Variants in TNK2 observed in about 807,000 individuals in gnomAD.
The protein encoded by TNK2 is tyrosine kinase non receptor 2.
A neutral mutation model predicts 101.8 loss-of-function variants in TNK2; 83 were observed. That is an observed-to-expected ratio of 0.82 (90% CI 0.68 to 0.98). The LOEUF is 0.98. TNK2 is among the 50% of genes least tolerant of loss of function. TNK2 has a pLI of 0.00. For synonymous variants in TNK2, 804 were observed against 633.0 expected, an observed-to-expected ratio of 1.27 and a Z score of -4.06; for missense variants, 1,665 against 1,483.2, an observed-to-expected ratio of 1.12 and a Z score of -2.01.
Position 195,870,216 on chromosome 3 carries a change from G to C in TNK2, c.1452-11C>G, listed in dbSNP as rs1744071746. The C allele has an allele frequency of 6.3e-7, 1 of 1,598,818 alleles. No individual in the cohort carries two copies. The highest frequency in any genetic ancestry group is 1.3e-5 in the African/African-American group (1 of 74,576). On this transcript the variant is annotated splice_polypyrimidine_tract_variant and intron_variant, in intron 10 of 15. Transcript: ENST00000672887. ...TTTCCCAGATACAGTCTGTGGGGGA[G>C]AGAGCTGGGTCAAGAGAGCAGGGGA...
At chr3:195,903,822 C>T (rs1761469614) in intron 1 of TNK2, among the ~76,000 whole-genome samples, 1 of 152,140 alleles carries the variant, frequency 6.6e-6, no homozygotes, top group Non-Finnish European at 1.5e-5. Context: ...ACTTTATTAG[C>T]AGATGACACG....
chr3:195,887,933 T>C (rs776867543), intron 2 of TNK2, among the ~76,000 whole-genome samples: 2 of 138,480 alleles, frequency 1.4e-5, no homozygotes, highest in African/African-American at 2.9e-5. Context: ...TGCACGTGTG[T>C]GCGCATGTGC....
chr3:195,867,697 C>A lies in TNK2; in HGVS notation c.2601G>T (p.Lys867Asn), dbSNP rs915031121. ...PCILPIVRDG[K>N]KVSSTHYYLL... ...AGTAATAGTGGGTGCTGCTGACCTT[C>A]TTGCCATCCCGGACGATGGGCAGGA... is the stretch of plus-strand genomic sequence containing the variant. Residue 867 changes from lysine to asparagine, a missense_variant, in exon 13 of 16, where the codon AAG (lysine) becomes AAT (asparagine). Physicochemically the swap from Lys to Asn is moderately conservative, Grantham distance 94. Coordinates refer to ENST00000672887, the MANE Select transcript of TNK2 (RefSeq NM_001382273.1). 1.2e-5 allele frequency: 19 copies of A among 1,608,870 alleles called. No individual in the cohort carries two copies. The Admixed American group carries it at 2.2e-4, about 18-fold the overall frequency.
At chr3:195,901,533 A>G (rs531515245) in intron 1 of TNK2, among the ~76,000 whole-genome samples, 137 of 151,130 alleles carry the variant, frequency 9.1e-4, no homozygotes, top group African/African-American at 3.2e-3. Flanking sequence ...CTGAGGAGGA[A>G]GAGAGGGACC....
rs1174357222 is a variant in TNK2, at chr3:195,867,521, G to A, written c.2777C>T (p.Pro926Leu). 6 of 1,549,852 alleles carry A rather than the reference G, an allele frequency of 3.9e-6. No individual in the cohort carries two copies. Among genetic ancestry groups the A allele is most frequent in the African/African-American group, 2.7e-5 (2 of 73,500 alleles). ...GGGGTCCAAGGCAGCCTGGGGCATC[G>A]GCCGCACGGTGGCCGTGGGGGCGGC... The part of the protein sequence containing the change: ...APAAPTATVR[P>L]MPQAALDPKA... Residue 926 changes from proline to leucine, a missense_variant, in exon 13 of 16, where the codon CCG becomes CTG. Coordinates refer to ENST00000672887, the MANE Select transcript of TNK2 (RefSeq NM_001382273.1).
rs574198394 is a variant in TNK2 at position 195,897,631 on chromosome 3, A to G, written c.-18-9025T>C. Among the ~76,000 whole-genome samples the G allele has an allele frequency of 1.0e-3, 153 of 152,246 alleles. 1 individual carries two copies. Among genetic ancestry groups the G allele is most frequent in the Non-Finnish European group, 1.8e-3 (123 of 67,988 alleles). On this transcript the variant is annotated intron_variant, in intron 1 of 15. Coordinates refer to ENST00000672887, the MANE Select transcript of TNK2 (RefSeq NM_001382273.1). ...ATCCTCCTGCCTCCATCTCCTGAGT[A>G]GCTGGGATTACAGGCGTGCACTATC...
intron 2 of TNK2, among the ~76,000 whole-genome samples, chr3:195,887,328 T>C (rs1340017149): frequency 2.0e-5 from 3 of 152,244 alleles, no homozygotes; most frequent in Non-Finnish European, 4.4e-5. Flanking sequence ...AACAGAATTT[T>C]CTCAATGTTG....
intron 1 of TNK2, among the ~76,000 whole-genome samples, chr3:195,901,688 TGA>T (rs35992567): frequency 0.02 from 3,039 of 152,304 alleles, 58 homozygotes; most frequent in Non-Finnish European, 0.03. Flanking sequence ...AGCTCTTCAC[TGA>T]GAGTGTACCT....
rs765137093 is a variant in TNK2 at position 195,879,132 on chromosome 3, T to C, written c.931A>G (p.Ser311Gly). Reference sequence around the variant, plus strand: ...GTCACCCCGAACATCCAGGTGTCGCTGGCATGGGAGAAGGTGCGTGTCTTC... The same window carrying C: ...GTCACCCCGAACATCCAGGTGTCGCCGGCATGGGAGAAGGTGCGTGTCTTC... ...SLKTRTFSHA[S>G]DTWMFGVTLW... Residue 311 changes from serine to glycine, a missense_variant, in exon 7 of 16, where the codon AGC (serine) becomes GGC (glycine). Coordinates refer to ENST00000672887, the MANE Select transcript of TNK2 (RefSeq NM_001382273.1). 1.2e-6 allele frequency: 2 copies of C among 1,612,938 alleles called. No homozygotes were observed. Among genetic ancestry groups the C allele is most frequent in the Admixed American group, 3.3e-5 (2 of 59,858 alleles).
chr3:195,868,964 A>G, intron 12 of TNK2: 1 of 531,432 alleles, frequency 1.9e-6, no homozygotes, highest in Non-Finnish European at 3.3e-6. Flanking sequence ...TCTAAGCTGC[A>G]GCAAGCAACA....
intron 12 of TNK2, 132 bp from the exon 13 acceptor site, chr3:195,868,841 A>T: frequency 1.7e-6 from 2 of 1,144,674 alleles, no homozygotes; most frequent in Non-Finnish European, 2.4e-6. Flanking sequence ...CCGAGGTCTG[A>T]GGTCAGCCAC....
At position 195,872,306 on chromosome 3, in the gene TNK2, T is replaced by C. The variant is rs778860799; in HGVS notation, c.1421A>G (p.His474Arg). 2.5e-6 allele frequency: 4 copies of C among 1,613,118 alleles called. No homozygotes were observed. The highest frequency in any genetic ancestry group is 3.4e-6 in the Non-Finnish European group (4 of 1,179,916). The change falls in exon 10 of 16, where the codon CAC becomes CGC. Residue 474 changes from histidine to arginine, a missense_variant. Physicochemically the swap from His to Arg is conservative, Grantham distance 29. Transcript: ENST00000672887. ...HTGHGDSDPR[H>R]CWGFPDRIDE... is the part of the protein sequence containing the mutation. The stretch of plus-strand genomic sequence containing the variant: ...AATCCTGTCCGGGAAGCCCCAGCAG[T>C]GGCGGGGGTCACTGTCGCCATGCCC...
intron 4 of TNK2, chr3:195,883,889 G>A (rs1420640875): frequency 6.6e-6 from 1 of 152,530 alleles, no homozygotes; most frequent in East Asian, 1.9e-4. Flanking sequence ...TAAATGTAAT[G>A]CCAAAAACAA....
Position 195,885,546 on chromosome 3 carries a change from G to A in TNK2, c.235-513C>T. The A allele has an allele frequency of 7.7e-7, 1 of 1,291,400 alleles. No homozygotes were observed. The highest frequency in any genetic ancestry group is 1.0e-6 in the Non-Finnish European group (1 of 989,982). The allele number at this position is 1,291,400 out of a possible 1,614,324, so 80.0% of individuals were successfully genotyped here. The stretch of plus-strand genomic sequence containing the variant: ...CAGGGAGTCGGCTGCCCTTCATCCT[G>A]CCCAGGGGAGAGGATAATTTTAGTC... On this transcript the variant is annotated intron_variant, in intron 3 of 15. Transcript: ENST00000672887. The surrounding 1 kb of genome is among the most constrained non-coding windows in gnomAD (Gnocchi z 4.7).
chr3:195,885,276 T>G lies in TNK2; in HGVS notation c.235-243A>C. The G allele has an allele frequency of 8.3e-7, 1 of 1,203,128 alleles. No individual in the cohort carries two copies. The highest frequency in any genetic ancestry group is 1.1e-6 in the Non-Finnish European group (1 of 890,986). The allele number at this position is 1,203,128 out of a possible 1,614,324, so 74.5% of individuals were successfully genotyped here. A position where few individuals can be genotyped will look rare whatever the true frequency, so the allele number is the denominator to read the frequency against. On this transcript the variant is annotated intron_variant, in intron 3 of 15. Transcript: ENST00000672887. The surrounding 1 kb of genome is among the most constrained non-coding windows in gnomAD (Gnocchi z 4.7). ...GGTGCCAGAAAGAGACCGACAGGCA[T>G]GCAGCCTGTGGCTGAGCGGCCCCAC...
At chr3:195,895,521 A>T (rs992404276) in intron 1 of TNK2, 2 of 1,350,744 alleles carry the variant, frequency 1.5e-6, no homozygotes, top group Admixed American at 4.1e-5. Context: ...GCCTGCGGCC[A>T]TTCCCTCCTG....
chr3:195,892,705 G>A (rs74749130), intron 1 of TNK2: 235,648 of 1,395,672 alleles, frequency 0.17, 20,759 homozygotes, highest in Non-Finnish European at 0.18. Flanking sequence ...GGCTGCAGCC[G>A]GGATCCTCTG....
In TNK2 at chr3:195,878,148, A is replaced by G. The variant is rs1750477908; in HGVS notation, c.1256+105T>C. On this transcript the variant is annotated intron_variant, in intron 9 of 15. Coordinates refer to ENST00000672887, the MANE Select transcript of TNK2 (RefSeq NM_001382273.1). This position sits in a 1 kb window ranked among gnomAD's most constrained non-coding sequence, Gnocchi z 4.7. ...GGTTCAGGCCCAACCGCCAGCCTGT[A>G]TGTGGCCAAGGGAATCTTGGAGGCC... 5.7e-6 allele frequency: 7 copies of G among 1,228,208 alleles called. No homozygotes were observed. The highest frequency in any genetic ancestry group is 1.2e-5 in the South Asian group (1 of 81,276). The allele number at this position is 1,228,208 out of a possible 1,614,324, so 76.1% of individuals were successfully genotyped here.
chr3:195,869,568 G>A (rs1460252219), intron 11 of TNK2, 27 bp from the exon 12 acceptor site: 6 of 1,550,646 alleles, frequency 3.9e-6, no homozygotes, highest in South Asian at 1.2e-5. Flanking sequence ...GCGGACAGGG[G>A]GAGAGAGACG....
Sources: gnomAD v4.1 joint callset for allele counts (sites outside exome capture counted in the v4.1 genomes callset) on GRCh38, gnomAD v4.1.1 for gene constraint, Gnocchi (gnomAD v3.1) non-coding constraint, MANE v1.5 for transcripts, NCBI Gene and HGNC (gene_info 2026-07-23, HGNC 2026-07-21) for gene names.